Variants in MAP4K5 observed in about 807,000 individuals in gnomAD.
MAP4K5 encodes mitogen-activated protein kinase kinase kinase kinase 5.
In MAP4K5, 82 loss-of-function variants were observed where a neutral mutation model predicts 135.6. The observed-to-expected ratio is 0.60, with a 90% CI of 0.51 to 0.73. The LOEUF (loss-of-function observed/expected upper bound fraction) is 0.73. Among genes scored for constraint, MAP4K5 ranks in the 30% least tolerant of loss-of-function variants. The pLI is 0.00. For synonymous variants in MAP4K5, 347 were observed against 335.0 expected (o/e 1.04, Z -0.39); for missense variants, 907 against 1,010.9 (o/e 0.90, Z 1.39).
chr14:50,527,360 T>C (rs1319629732), intron 2 of MAP4K5, among the ~76,000 whole-genome samples: 2 of 150,854 alleles, frequency 1.3e-5, no homozygotes, highest in African/African-American at 2.4e-5. Flanking sequence ...TACTTTTGTA[T>C]GATTACACCA....
chr14:50,448,801 T>C lies in MAP4K5; in HGVS notation c.1047A>G (p.Arg349=). The C allele has an allele frequency of 6.4e-7, 1 of 1,569,054 alleles. No homozygotes were observed. The highest frequency in any genetic ancestry group is 2.3e-5 in the East Asian group (1 of 43,802). The change falls in exon 15 of 33, where the codon AGA becomes AGG. Residue 349 remains arginine, a synonymous_variant. Coordinates refer to ENST00000682126, the MANE Select transcript of MAP4K5 (RefSeq NM_006575.6). ...TTTCATCTCGTGCTTCTGTTTCTTT[T>C]CTCAGAGGAGGTTCAAATTGTAATT... ...FDKLQFEPPL[R]KETEARDEMG...
chr14:50,472,536 C>T (rs2036989530), intron 9 of MAP4K5: 1 of 152,144 alleles, frequency 6.6e-6, no homozygotes, highest in African/African-American at 2.4e-5. Flanking sequence ...AATTTTGCCA[C>T]TTCCCTTTTA....
intron 2 of MAP4K5, among the ~76,000 whole-genome samples, chr14:50,530,558 A>T (rs1364941130): frequency 6.6e-6 from 1 of 152,226 alleles, no homozygotes; most frequent in Non-Finnish European, 1.5e-5. Flanking sequence ...AGGAATTTCA[A>T]TTTTCTGAAG....
chr14:50,536,760 C>G (rs1396917673), upstream of MAP4K5, among the ~76,000 whole-genome samples: 2 of 152,096 alleles, frequency 1.3e-5, no homozygotes, highest in East Asian at 3.9e-4. Flanking sequence ...TTGCCCCTGC[C>G]CTAGAGGTTT....
At chr14:50,518,068 G>A (rs953026425) in intron 2 of MAP4K5, among the ~76,000 whole-genome samples, 1 of 152,032 alleles carries the variant, frequency 6.6e-6, no homozygotes, top group African/African-American at 2.4e-5. Context: ...AGTTTCAATG[G>A]GGCAGATTTT....
At chr14:50,531,594 C>T (rs546578529) in intron 2 of MAP4K5, among the ~76,000 whole-genome samples, 140 of 152,290 alleles carry the variant, frequency 9.2e-4, no homozygotes, top group Middle Eastern at 6.8e-3. Flanking sequence ...TGTCTATCTT[C>T]CATGAAGCAT....
intron 23 of MAP4K5, 191 bp from the exon 24 acceptor site, chr14:50,438,285 G>A (rs113133597): frequency 2.0e-4 from 71 of 347,588 alleles, no homozygotes; most frequent in African/African-American, 1.2e-3. Flanking sequence ...AATGATGCCA[G>A]CACACAAAAA....
At chr14:50,537,950 G>A (rs2356448) in intron 2 of MAP4K5, among the ~76,000 whole-genome samples, 42 of 152,300 alleles carry the variant, frequency 2.8e-4, no homozygotes, top group Non-Finnish European at 7.4e-5. Flanking sequence ...GCTGAAATGA[G>A]TTAACACTTT....
chr14:50,560,291 A>G lies in MAP4K5; in HGVS notation c.-180+749T>C, dbSNP rs767429611. The G allele has an allele frequency of 3.7e-6, 6 of 1,613,880 alleles. No homozygotes were observed. In the Admixed American group the frequency reaches 1.0e-4, roughly 27 times the overall value. ...ATGGCCAAGAACCGCAGGGACAGAA[A>G]CAGTTGGGGTGAGTAGCAAATGAGA... On this transcript the variant is annotated intron_variant, in intron 1 of 8. Transcript: ENST00000555216.
Position 50,521,930 on chromosome 14 carries a change from G to C in MAP4K5, c.108+10012C>G, listed in dbSNP as rs901779731. Among the ~76,000 whole-genome samples the C allele has an allele frequency of 5.3e-5, 8 of 152,146 alleles. No homozygotes were observed. In the East Asian group the frequency reaches 1.5e-3, roughly 29 times the overall value. ...ACTCAAAATAGTCCAATACCACCAAGTGAATTCATTTATCTTAGTCAAAGT... is the reference window on the plus strand; with the variant it reads ...ACTCAAAATAGTCCAATACCACCAACTGAATTCATTTATCTTAGTCAAAGT... On this transcript the variant is annotated intron_variant, in intron 2 of 32. Coordinates refer to ENST00000682126, the MANE Select transcript of MAP4K5 (RefSeq NM_006575.6).
intron 2 of MAP4K5, among the ~76,000 whole-genome samples, chr14:50,506,308 T>C (rs185318680): frequency 1.8e-4 from 27 of 152,200 alleles, no homozygotes; most frequent in Non-Finnish European, 3.1e-4. Flanking sequence ...GGGAGAGATA[T>C]ACAGAGGAAA....
rs370247864 is a variant in MAP4K5, at chr14:50,545,451, C to A, written c.-179-2867G>T. On this transcript the variant is annotated intron_variant, in intron 1 of 8. Coordinates refer to the MAP4K5 transcript ENST00000555216. ...GCAGTGGGAATCCCAGGGTGGTCGA[C>A]GGCATCCATGTGGGGTGAAATAGTC... Among the ~76,000 whole-genome samples the A allele has an allele frequency of 3.9e-5, 6 of 152,216 alleles. No individual in the cohort carries two copies. The East Asian group carries it at 7.7e-4, about 20-fold the overall frequency.
chr14:50,528,572 T>A (rs2038318015), intron 2 of MAP4K5, among the ~76,000 whole-genome samples: 1 of 150,440 alleles, frequency 6.6e-6, no homozygotes, highest in Non-Finnish European at 1.5e-5. Flanking sequence ...AAAAAAAAAA[T>A]TAGCCAGGCA....
chr14:50,527,395 G>A (rs1179692666), intron 2 of MAP4K5, among the ~76,000 whole-genome samples: 1 of 147,626 alleles, frequency 6.8e-6, no homozygotes, highest in Non-Finnish European at 1.5e-5. Context: ...GGGCAAAAGA[G>A]CAAGACCCTG....
At chr14:50,550,722 A>G (rs1039348867) in intron 1 of MAP4K5, among the ~76,000 whole-genome samples, 2 of 152,264 alleles carry the variant, frequency 1.3e-5, no homozygotes, top group Non-Finnish European at 2.9e-5. Context: ...AGTGAAATAA[A>G]ACTGGAAAAT....
At chr14:50,493,286 T>G (rs1027097873) in intron 3 of MAP4K5, among the ~76,000 whole-genome samples, 7 of 152,110 alleles carry the variant, frequency 4.6e-5, no homozygotes, top group Non-Finnish European at 1.0e-4. Context: ...AAATTTTTAG[T>G]AGAGACATGA....
At chr14:50,512,241 T>C (rs1456920467) in intron 2 of MAP4K5, among the ~76,000 whole-genome samples, 1 of 152,156 alleles carries the variant, frequency 6.6e-6, no homozygotes, top group Admixed American at 6.5e-5. Flanking sequence ...AGATAAATTA[T>C]TTTTGAAAAG....
chr14:50,560,202 G>GCGGC, intron 1 of MAP4K5: 1 of 1,601,072 alleles, frequency 6.2e-7, no homozygotes, highest in Non-Finnish European at 8.5e-7. Context: ...CCAGCAACCT[G>GCGGC]CGGCCCCGGA....
intron 31 of MAP4K5, 113 bp from the exon 32 acceptor site, chr14:50,423,289 A>C: frequency 1.9e-6 from 1 of 524,284 alleles, no homozygotes; most frequent in Non-Finnish European, 3.5e-6. Context: ...TGGTAGACTT[A>C]ATTCCTCAAA....
Sources: gnomAD v4.1 joint callset for allele counts (sites outside exome capture counted in the v4.1 genomes callset) on GRCh38, gnomAD v4.1.1 for gene constraint, MANE v1.5 for transcripts, NCBI Gene and HGNC (gene_info 2026-07-23, HGNC 2026-07-21) for gene names.